The following CDH18 variants were observed in gnomAD, a reference collection of about 807,000 sequenced individuals.
The protein encoded by CDH18 is cadherin 18, also known as cadherin-18.
In CDH18, 31 loss-of-function variants were observed where a neutral mutation model predicts 67.9. The observed-to-expected ratio is 0.46, with a 90% CI of 0.34 to 0.62. The LOEUF (loss-of-function observed/expected upper bound fraction) is 0.62. Ranked by LOEUF, CDH18 falls within the 20% of genes least tolerant of loss-of-function variation. The pLI is 0.01. For synonymous variants in CDH18, 362 were observed against 347.2 expected, an observed-to-expected ratio of 1.04 and a Z score of -0.48; for missense variants, 890 against 975.5, an observed-to-expected ratio of 0.91 and a Z score of 1.17.
Position 20,359,192 on chromosome 5 carries a change from A to G in CDH18, c.-579-103687T>C, listed in dbSNP as rs367814894. On this transcript the variant is annotated intron_variant, in intron 1 of 14. Coordinates refer to the CDH18 transcript ENST00000507958. Reference sequence around the variant, plus strand: ...GTGATCCACCCACCTCGGCCTCCCAAAATATTGGGATTACAAGTGTGAGCC... The same window carrying G: ...GTGATCCACCCACCTCGGCCTCCCAGAATATTGGGATTACAAGTGTGAGCC... Among the ~76,000 whole-genome samples the G allele has an allele frequency of 1.1e-3, 163 of 152,176 alleles. 4 individuals are homozygous for G. In the South Asian group the frequency reaches 0.03, roughly 28 times the overall value.
intron 2 of CDH18, among the ~76,000 whole-genome samples, chr5:20,178,022 A>G (rs1737379369): frequency 6.6e-6 from 1 of 152,116 alleles, no homozygotes; most frequent in Admixed American, 6.6e-5. Context: ...ACACCTCCTT[A>G]ATGTGAGTGG....
intron 1 of CDH18, among the ~76,000 whole-genome samples, chr5:20,388,548 T>A (rs1419938798): frequency 1.3e-5 from 2 of 151,994 alleles, no homozygotes; most frequent in Non-Finnish European, 2.9e-5. Context: ...TTTTGAAGGG[T>A]TTTTTGTGTC....
chr5:20,457,590 G>A (rs1750928740), intron 1 of CDH18, among the ~76,000 whole-genome samples: 1 of 152,092 alleles, frequency 6.6e-6, no homozygotes, highest in African/African-American at 2.4e-5. Context: ...AAGAGGTGAT[G>A]GGCTGGATGT....
At chr5:20,511,659 T>A (rs1755044718) in intron 1 of CDH18, among the ~76,000 whole-genome samples, 1 of 152,184 alleles carries the variant, frequency 6.6e-6, no homozygotes, top group African/African-American at 2.4e-5. Flanking sequence ...TAAAGTTTTC[T>A]TTTTCAATCC....
At chr5:19,523,065 T>C (rs576436702) in intron 9 of CDH18, among the ~76,000 whole-genome samples, 3 of 152,160 alleles carry the variant, frequency 2.0e-5, no homozygotes, top group Admixed American at 6.5e-5. Context: ...GATGATGGCA[T>C]TACAGATCAA....
At chr5:20,057,119 T>C (rs1051613517) in intron 2 of CDH18, among the ~76,000 whole-genome samples, 1 of 152,208 alleles carries the variant, frequency 6.6e-6, no homozygotes, top group Non-Finnish European at 1.5e-5. Context: ...ATTTGTCTTG[T>C]TAATAGCTCT....
intron 2 of CDH18, among the ~76,000 whole-genome samples, chr5:19,860,240 C>T (rs750456805): frequency 3.9e-5 from 6 of 152,042 alleles, no homozygotes; most frequent in Non-Finnish European, 7.4e-5. Flanking sequence ...CTCAACCAGA[C>T]CCTTTGCTCT....
At chr5:19,867,606 T>C (rs1785702629) in intron 2 of CDH18, among the ~76,000 whole-genome samples, 1 of 114,230 alleles carries the variant, frequency 8.8e-6, no homozygotes, top group South Asian at 2.9e-4. Flanking sequence ...TGTAATTTTA[T>C]TGGAAAGGGT....
chr5:20,286,977 T>A (rs1746742832), intron 1 of CDH18, among the ~76,000 whole-genome samples: 1 of 151,790 alleles, frequency 6.6e-6, no homozygotes, highest in Non-Finnish European at 1.5e-5. Context: ...GAGTACCTTT[T>A]TTTCCTCCAC....
At chr5:19,732,195 T>C (rs891320620) in intron 4 of CDH18, among the ~76,000 whole-genome samples, 1 of 150,644 alleles carries the variant, frequency 6.6e-6, no homozygotes, top group African/African-American at 2.4e-5. Context: ...ATCACAGAAC[T>C]GTGGGAGGCC....
chr5:19,982,802 T>C (rs1799184640), intron 1 of CDH18, among the ~76,000 whole-genome samples: 1 of 152,120 alleles, frequency 6.6e-6, no homozygotes, highest in Non-Finnish European at 1.5e-5. Context: ...CCCAGCACTT[T>C]GGGAGGCCAA....
intron 1 of CDH18, among the ~76,000 whole-genome samples, chr5:20,574,722 G>T (rs142836260): frequency 1.6e-4 from 25 of 152,086 alleles, no homozygotes; most frequent in Non-Finnish European, 3.2e-4. Context: ...TTTAATATGC[G>T]CGAAGTTCCC....
At chr5:20,405,833 T>A (rs1380328656) in intron 1 of CDH18, among the ~76,000 whole-genome samples, 1 of 152,114 alleles carries the variant, frequency 6.6e-6, no homozygotes, top group African/African-American at 2.4e-5. Context: ...CATGAAAAAA[T>A]GCTCATCATC....
chr5:19,803,569 T>G (rs921988889), intron 3 of CDH18, among the ~76,000 whole-genome samples: 1 of 152,190 alleles, frequency 6.6e-6, no homozygotes, highest in Admixed American at 6.5e-5. Context: ...CTAAACCCAT[T>G]ATGGTAATTC....
intron 1 of CDH18, among the ~76,000 whole-genome samples, chr5:20,344,594 T>C (rs529511286): frequency 1.3e-5 from 2 of 152,040 alleles, no homozygotes; most frequent in African/African-American, 2.4e-5. Context: ...AAGCATACCA[T>C]ACCGTCTTCA....
chr5:20,197,681 G>A (rs915782853), intron 2 of CDH18, among the ~76,000 whole-genome samples: 1 of 152,164 alleles, frequency 6.6e-6, no homozygotes. Context: ...TTCTGGGAAA[G>A]ATTAGAGTCA....
chr5:19,567,832 C>T (rs1326837564), intron 8 of CDH18, among the ~76,000 whole-genome samples: 1 of 152,034 alleles, frequency 6.6e-6, no homozygotes, highest in African/African-American at 2.4e-5. Context: ...ATCTTTGCAT[C>T]CCAACAACCA....
intron 2 of CDH18, among the ~76,000 whole-genome samples, chr5:20,137,199 C>T (rs1157464062): frequency 6.6e-6 from 1 of 152,124 alleles, no homozygotes. Context: ...TTCCATTCTC[C>T]CTGTCACTTT....
chr5:19,589,239 T>G (rs2150017659), intron 7 of CDH18, among the ~76,000 whole-genome samples: 1 of 152,212 alleles, frequency 6.6e-6, no homozygotes, highest in Non-Finnish European at 1.5e-5. Context: ...AAAATTGTTT[T>G]AAATTTCTAG....
Sources: gnomAD v4.1 joint callset for allele counts (sites outside exome capture counted in the v4.1 genomes callset) on GRCh38, gnomAD v4.1.1 for gene constraint, MANE v1.5 for transcripts, NCBI Gene and HGNC (gene_info 2026-07-23, HGNC 2026-07-21) for gene names.